ACOXL: variants seen among roughly 807,000 people sequenced by gnomAD.
ACOXL encodes the protein acyl-coenzyme A oxidase-like protein.
In ACOXL, 70 loss-of-function variants were observed where a neutral mutation model predicts 71.9. That is an observed-to-expected ratio of 0.97 (90% CI 0.80 to 1.19). The LOEUF (loss-of-function observed/expected upper bound fraction) is 1.19, where lower values mean the gene tolerates loss of function less well. ACOXL is among the 50% of genes most tolerant of loss of function. The probability of loss-of-function intolerance (pLI) is 0.00; values close to 1 mark genes in which losing one functional copy is unlikely to be tolerated. For missense variants in ACOXL, 703 were observed against 736.3 expected (o/e 0.95, Z 0.52); for synonymous variants, 253 against 281.6 (o/e 0.90, Z 1.02).
intron 2 of ACOXL, among the ~76,000 whole-genome samples, chr2:110,780,618 T>C (rs1286689803): frequency 1.3e-5 from 2 of 152,244 alleles, no homozygotes; most frequent in Non-Finnish European, 2.9e-5. Flanking sequence ...GAACTATGGA[T>C]ATCCTTAGTT....
chr2:110,963,679 C>T, intron 12 of ACOXL: 1 of 1,611,888 alleles, frequency 6.2e-7, no homozygotes. Context: ...GATGTGTTTG[C>T]CACTTTTGAA....
chr2:110,898,879 A>G (rs939774119), intron 10 of ACOXL, among the ~76,000 whole-genome samples: 1 of 152,228 alleles, frequency 6.6e-6, no homozygotes, highest in African/African-American at 2.4e-5. Flanking sequence ...TAAGAGATGA[A>G]TTCAGCAAAG....
intron 17 of ACOXL, chr2:111,094,137 A>G (rs1054801431): frequency 2.6e-5 from 4 of 152,230 alleles, no homozygotes; most frequent in African/African-American, 9.7e-5. Flanking sequence ...AGACATATTA[A>G]TAAACAATAA....
intron 12 of ACOXL, among the ~76,000 whole-genome samples, chr2:110,949,163 T>C (rs2061232742): frequency 6.6e-6 from 1 of 152,174 alleles, no homozygotes; most frequent in African/African-American, 2.4e-5. Context: ...TAATGCCAAG[T>C]GACTTGTGGG....
Position 111,117,641 on chromosome 2 carries a change from A to C in ACOXL, c.1568A>C (p.Lys523Thr). The change falls in exon 18 of 18, where the codon AAG (lysine) becomes ACG (threonine). Residue 523 changes from lysine to threonine, a missense_variant. Lys to Thr is a moderately conservative substitution (Grantham distance 78). Transcript: ENST00000439055. ...NQLLDLCDSVKDDARRVISTF... is the reference protein window; with the variant it reads ...NQLLDLCDSVTDDARRVISTF... ...TTGCTGGATTTGTGCGACTCGGTGA[A>C]GGATGATGCCCGGAGGGTGATCTCG... 1 of 1,551,808 alleles carries C rather than the reference A, an allele frequency of 6.4e-7. No individual in the cohort carries two copies.
At position 111,065,291 on chromosome 2, in the gene ACOXL, C is replaced by T. The variant is rs117492910; in HGVS notation, c.1440+16003C>T. Among the ~76,000 whole-genome samples, 229 of 152,240 alleles carry T rather than the reference C, an allele frequency of 1.5e-3. 4 individuals are homozygous for T. The East Asian group carries it at 0.041, about 27-fold the overall frequency. On this transcript the variant is annotated intron_variant, in intron 16 of 17. Coordinates refer to ENST00000439055, the MANE Select transcript of ACOXL (RefSeq NM_001142807.4). ...AACAGATGGTTCTGGAATACTTGAA[C>T]ATCCATAGGCAAAATAAGAAAAATT... is the stretch of plus-strand genomic sequence containing the variant.
intron 14 of ACOXL, among the ~76,000 whole-genome samples, chr2:110,996,782 G>A (rs189654426): frequency 3.3e-5 from 5 of 152,244 alleles, no homozygotes; most frequent in South Asian, 2.1e-4. Flanking sequence ...GTACAACACA[G>A]CAGGGGTAGA....
At chr2:110,936,397 C>G (rs964792699) in intron 12 of ACOXL, among the ~76,000 whole-genome samples, 2 of 152,122 alleles carry the variant, frequency 1.3e-5, no homozygotes, top group Non-Finnish European at 2.9e-5. Flanking sequence ...TCCCAAGTAG[C>G]TAGGACTACA....
intron 14 of ACOXL, among the ~76,000 whole-genome samples, chr2:111,000,869 C>T (rs748806172): frequency 6.6e-6 from 1 of 152,208 alleles, no homozygotes; most frequent in East Asian, 1.9e-4. Flanking sequence ...GTCACATTCA[C>T]AGGTACCAGG....
chr2:111,070,801 G>T (rs915887701), intron 16 of ACOXL, among the ~76,000 whole-genome samples: 1 of 152,002 alleles, frequency 6.6e-6, no homozygotes, highest in Non-Finnish European at 1.5e-5. Flanking sequence ...CATCTTTTCA[G>T]TAAGGCAGAA....
chr2:111,086,496 C>T (rs1358558681), intron 16 of ACOXL, among the ~76,000 whole-genome samples: 1 of 151,844 alleles, frequency 6.6e-6, no homozygotes, highest in African/African-American at 2.4e-5. Flanking sequence ...AGATGAAATT[C>T]GATAGATAGA....
chr2:111,080,228 C>T lies in ACOXL; in HGVS notation c.1441-12637C>T, dbSNP rs563007593. Among the ~76,000 whole-genome samples the T allele has an allele frequency of 2.0e-5, 3 of 152,292 alleles. No individual in the cohort carries two copies. In the East Asian group the frequency reaches 5.8e-4, roughly 29 times the overall value. ...TGTGTCTCTATCTCCTTCAGCTCTGCTCTGATCTTAGTTATTTCTTGTCTT... is the reference window on the plus strand; with the variant it reads ...TGTGTCTCTATCTCCTTCAGCTCTGTTCTGATCTTAGTTATTTCTTGTCTT... On this transcript the variant is annotated intron_variant, in intron 16 of 17. Transcript: ENST00000439055.
chr2:110,804,821 A>G (rs914703169), intron 8 of ACOXL, among the ~76,000 whole-genome samples: 1 of 151,666 alleles, frequency 6.6e-6, no homozygotes, highest in Non-Finnish European at 1.5e-5. Context: ...GTTGCCAGGG[A>G]CTGGAGGGAG....
intron 10 of ACOXL, among the ~76,000 whole-genome samples, chr2:110,893,991 T>C (rs1481658051): frequency 3.9e-5 from 6 of 152,162 alleles, no homozygotes; most frequent in African/African-American, 1.4e-4. Context: ...TTTGTCTCTG[T>C]TGTTTATCGC....
At chr2:110,791,212 G>A (rs1684610031) in intron 3 of ACOXL, among the ~76,000 whole-genome samples, 1 of 151,918 alleles carries the variant, frequency 6.6e-6, no homozygotes, top group South Asian at 2.1e-4. Flanking sequence ...TTGAGGTCAT[G>A]CAGACACTGC....
In ACOXL at chr2:111,106,513, C is replaced by T. The variant is rs563853100; in HGVS notation, c.1543-11103C>T. On this transcript the variant is annotated intron_variant, in intron 17 of 17. Coordinates refer to ENST00000439055, the MANE Select transcript of ACOXL (RefSeq NM_001142807.4). ...AAACTTTGTCAGATAATCCCACTATCTCTGTCATGTTGGCATTGACATCTA... is the reference window on the plus strand; with the variant it reads ...AAACTTTGTCAGATAATCCCACTATTTCTGTCATGTTGGCATTGACATCTA... Among the ~76,000 whole-genome samples, 8 of 152,214 alleles carry T rather than the reference C, an allele frequency of 5.3e-5. No homozygotes were observed. In the South Asian group the frequency reaches 1.2e-3, roughly 24 times the overall value.
intron 10 of ACOXL, among the ~76,000 whole-genome samples, chr2:110,873,090 C>T (rs1415622423): frequency 2.0e-5 from 3 of 152,262 alleles, no homozygotes; most frequent in East Asian, 3.9e-4. Context: ...TGGGTTCCTC[C>T]GTCACACAAA....
chr2:110,853,315 A>T (rs1692841868), intron 10 of ACOXL, among the ~76,000 whole-genome samples: 1 of 152,172 alleles, frequency 6.6e-6, no homozygotes, highest in Non-Finnish European at 1.5e-5. Context: ...ACAAAGAATT[A>T]TCTGGCCCAA....
chr2:110,958,498 C>T (rs1172703199), intron 12 of ACOXL, among the ~76,000 whole-genome samples: 1 of 152,212 alleles, frequency 6.6e-6, no homozygotes, highest in African/African-American at 2.4e-5. Flanking sequence ...ATCCCCCAGG[C>T]TTCCATTCAG....
Sources: gnomAD v4.1 joint callset for allele counts (sites outside exome capture counted in the v4.1 genomes callset) on GRCh38, gnomAD v4.1.1 for gene constraint, MANE v1.5 for transcripts, NCBI Gene and HGNC (gene_info 2026-07-23, HGNC 2026-07-21) for gene names.